Variants in KRT83 observed in about 807,000 individuals in gnomAD.
KRT83 encodes the protein keratin 83, also known as keratin, type II cuticular Hb3.
Under a neutral mutation model 52.9 loss-of-function variants are expected in KRT83, and 51 were observed. That is an observed-to-expected ratio of 0.96 (90% CI 0.77 to 1.22). The LOEUF is 1.22. Ranked by LOEUF, KRT83 falls within the 50% of genes most tolerant of loss-of-function variation. KRT83 has a pLI of 0.00. For synonymous variants in KRT83, 278 were observed against 274.1 expected (o/e 1.01, Z -0.14); for missense variants, 654 against 666.5 (o/e 0.98, Z 0.21).
chr12:52,320,782 C>T (rs1359030538), intron 1 of KRT83, among the ~76,000 whole-genome samples, 170 bp downstream of exon 1: 2 of 152,166 alleles, frequency 1.3e-5, no homozygotes, highest in African/African-American at 4.8e-5. Context: ...TGGTAGCTCC[C>T]GGTCCCATTT....
intron 2 of KRT83, among the ~76,000 whole-genome samples, chr12:52,318,571 G>T (rs953462816): frequency 4.6e-5 from 7 of 152,182 alleles, no homozygotes; most frequent in African/African-American, 1.7e-4. Context: ...GGAGGGAGGG[G>T]TATGCTGGGC....
At position 52,314,743 on chromosome 12, in the gene KRT83, A is replaced by G; in HGVS notation, c.1370T>C (p.Val457Ala). The change falls in exon 9 of 9, where the codon GTC becomes GCC. Residue 457 changes from valine to alanine, a missense_variant. Physicochemically the swap from Val to Ala is moderately conservative, Grantham distance 64. Transcript: ENST00000293670. ...GTTCCCGTTGCAGGGGGCACTGCAG[A>G]CGCTGCCCGTCACCGGCCGGGAGCC... ...VSGSRPVTGS[V>A]CSAPCNGNLV... The G allele has an allele frequency of 5.0e-6, 8 of 1,597,424 alleles. No homozygotes were observed. The highest frequency in any genetic ancestry group is 6.8e-6 in the Non-Finnish European group (8 of 1,172,606).
At chr12:52,318,996 A>G (rs1938729000) in intron 2 of KRT83, among the ~76,000 whole-genome samples, 160 bp downstream of exon 2, 1 of 152,180 alleles carries the variant, frequency 6.6e-6, no homozygotes, top group African/African-American at 2.4e-5. Context: ...CTGAGCCTCC[A>G]TCCCCCACAC....
chr12:52,318,647 T>G (rs1374087936), intron 2 of KRT83, among the ~76,000 whole-genome samples: 1 of 152,206 alleles, frequency 6.6e-6, no homozygotes, highest in Admixed American at 6.5e-5. Flanking sequence ...AGATTCCTTC[T>G]GAGGATCCAG....
At chr12:52,315,395 T>A in intron 7 of KRT83, 52 bp from the exon 8 acceptor site, 2 of 1,575,128 alleles carry the variant, frequency 1.3e-6, no homozygotes, top group Non-Finnish European at 1.7e-6. Flanking sequence ...CAGAATGAGG[T>A]CATCGAATTT....
chr12:52,314,573 TG>T lies in KRT83; in HGVS notation c.*57del. On this transcript the variant is annotated 3_prime_UTR_variant, in exon 9 of 9. Coordinates refer to ENST00000293670, the MANE Select transcript of KRT83 (RefSeq NM_002282.3). Reference sequence around the variant, plus strand: ...ATGTGCTGCTGTTTTCAGCTGGTGGTGGGGCAGTGGCACGTCTGGCAGGCAG... The same window carrying T: ...ATGTGCTGCTGTTTTCAGCTGGTGGTGGGCAGTGGCACGTCTGGCAGGCAG... The T allele has an allele frequency of 6.8e-7, 1 of 1,462,112 alleles. No individual in the cohort carries two copies. The highest frequency in any genetic ancestry group is 9.4e-7 in the Non-Finnish European group (1 of 1,067,234). 90.6% of individuals were successfully genotyped at this position (1,462,112 alleles called of 1,614,324 possible).
Position 52,314,731 on chromosome 12 carries a change from G to T in KRT83, c.1382C>A (p.Pro461His). 1 of 1,593,500 alleles carries T rather than the reference G, an allele frequency of 6.3e-7. No homozygotes were observed. Among genetic ancestry groups the T allele is most frequent in the Non-Finnish European group, 8.5e-7 (1 of 1,170,538 alleles). Residue 461 changes from proline (P) to histidine (H), a missense_variant, in exon 9 of 9, where the codon CCC becomes CAC. Transcript: ENST00000293670. ...GCTCACCACCAGGTTCCCGTTGCAGGGGGCACTGCAGACGCTGCCCGTCAC... is the reference window on the plus strand; with the variant it reads ...GCTCACCACCAGGTTCCCGTTGCAGTGGGCACTGCAGACGCTGCCCGTCAC... ...RPVTGSVCSAPCNGNLVVSTG... is the reference protein window; with the variant it reads ...RPVTGSVCSAHCNGNLVVSTG...
rs1217500685 is a variant in KRT83 at position 52,316,548 on chromosome 12, G to GC, written c.960dup (p.Arg321AlafsTer39). 13 of 1,613,982 alleles carry GC rather than the reference G, an allele frequency of 8.1e-6. No homozygotes were observed. The highest frequency in any genetic ancestry group is 1.3e-5 in the African/African-American group (1 of 74,900). On this transcript the variant is annotated frameshift_variant, in exon 6 of 9. Transcript: ENST00000293670. LOFTEE classifies it high-confidence loss of function. ...TCGTTGATCTCCTCCTTGGTGCGGC[G>GC]CAGGGTCTCCCCGTGCCTGATCACT... is the stretch of plus-strand genomic sequence containing the variant.
At position 52,319,229 on chromosome 12, in the gene KRT83, C is replaced by T. The variant is rs181439241; in HGVS notation, c.520G>A (p.Val174Met). The change falls in exon 2 of 9, where the codon GTG becomes ATG. Residue 174 changes from valine (V) to methionine (M), a missense_variant. Val to Met is a conservative substitution (Grantham distance 21). Coordinates refer to ENST00000293670, the MANE Select transcript of KRT83 (RefSeq NM_002282.3). ...GCCAGCCTCCCACTGTCAGCCTCCA[C>T]GCACTCGGCCTCCCGCCGCAGAGTC... ...IETLRREAEC[V>M]EADSGRLASE... The T allele has an allele frequency of 1.2e-4, 192 of 1,613,814 alleles. No homozygotes were observed. The Admixed American group carries it at 1.8e-3, about 15-fold the overall frequency.
Position 52,315,335 on chromosome 12 carries a change from T to C in KRT83, c.1271A>G (p.Glu424Gly). 6.2e-7 allele frequency: 1 copy of C among 1,613,706 alleles called. No individual in the cohort carries two copies. Among genetic ancestry groups the C allele is most frequent in the Non-Finnish European group, 8.5e-7 (1 of 1,179,694 alleles). Residue 424 changes from glutamate (E) to glycine (G), a missense_variant, in exon 8 of 9, where the codon GAA becomes GGA. By Grantham distance (98) the Glu-to-Gly change is moderately conservative (BLOSUM62 -2). Transcript: ENST00000293670. ...LLEGEEQRLC[E>G]GVEAVNVCVS... Reference sequence around the variant, plus strand: ...ACAGACATTCACAGCTTCAACACCTTCACACAGCCTGAGTGGGGAAAAAGT... The same window carrying C: ...ACAGACATTCACAGCTTCAACACCTCCACACAGCCTGAGTGGGGAAAAAGT...
intron 4 of KRT83, 75 bp downstream of exon 4, chr12:52,317,606 G>A (rs906192871): frequency 1.3e-6 from 2 of 1,503,992 alleles, no homozygotes; most frequent in Non-Finnish European, 9.2e-7. Context: ...CCTGGTTCAT[G>A]CCTGTGGGTG....
intron 2 of KRT83, 56 bp from the exon 3 acceptor site, chr12:52,318,026 G>T: frequency 1.3e-6 from 2 of 1,490,486 alleles, no homozygotes; most frequent in South Asian, 1.1e-5. Context: ...TCTTGGCCAT[G>T]AGCATATATG....
At chr12:52,319,631 C>A (rs1364253530) in intron 1 of KRT83, among the ~76,000 whole-genome samples, 1 of 152,170 alleles carries the variant, frequency 6.6e-6, no homozygotes, top group African/African-American at 2.4e-5. Flanking sequence ...CACTTGTTAA[C>A]ATTGTGCCCT....
intron 1 of KRT83, 34 bp from the exon 2 acceptor site, chr12:52,319,398 C>T (rs1938737823): frequency 6.2e-7 from 1 of 1,606,094 alleles, no homozygotes; most frequent in African/African-American, 1.4e-5. Context: ...AGAACCTCTT[C>T]TTGCAGCATC....
chr12:52,316,696 C>A, intron 5 of KRT83, 103 bp from the exon 6 acceptor site: 1 of 1,598,992 alleles, frequency 6.3e-7, no homozygotes, highest in Middle Eastern at 1.7e-4. Context: ...GCCTGTGCAA[C>A]CACACGTGGC....
chr12:52,319,060 G>A (rs1301946670), intron 2 of KRT83, 96 bp downstream of exon 2: 2 of 1,578,486 alleles, frequency 1.3e-6, no homozygotes, highest in Non-Finnish European at 1.7e-6. Context: ...CCACTCTCAG[G>A]CAGAGATGCC....
In KRT83 at chr12:52,316,434, T is replaced by C. The variant is rs776245337; in HGVS notation, c.1041+34A>G. On this transcript the variant is annotated intron_variant, in intron 6 of 8. Coordinates refer to ENST00000293670, the MANE Select transcript of KRT83 (RefSeq NM_002282.3). The stretch of plus-strand genomic sequence containing the variant: ...TCTGCCGAGGGCTAACCCCAGTCTC[T>C]TCCTACACTGAGGGGTGGGCCGGGC... The C allele has an allele frequency of 1.6e-5, 26 of 1,613,952 alleles. No individual in the cohort carries two copies. In the South Asian group the frequency reaches 2.9e-4, roughly 18 times the overall value.
At chr12:52,315,413 G>C in intron 7 of KRT83, 70 bp from the exon 8 acceptor site, 1 of 1,451,696 alleles carries the variant, frequency 6.9e-7, no homozygotes, top group Non-Finnish European at 9.7e-7. Flanking sequence ...TTTCCGCTAG[G>C]TGCTGAAATG....
intron 8 of KRT83, among the ~76,000 whole-genome samples, 196 bp downstream of exon 8, chr12:52,315,116 T>C (rs1259701858): frequency 6.6e-6 from 1 of 152,120 alleles, no homozygotes; most frequent in Non-Finnish European, 1.5e-5. Context: ...TATTATTTTT[T>C]CCCCTCCCCA....
Sources: allele counts gnomAD v4.1 joint callset (sites outside exome capture counted in the v4.1 genomes callset), GRCh38; gene constraint gnomAD v4.1.1; transcripts MANE v1.5; gene names NCBI Gene and HGNC (gene_info 2026-07-23, HGNC 2026-07-21).